The following DNASE1L1 variants were observed in gnomAD, a reference collection of about 807,000 sequenced individuals.
DNASE1L1 encodes deoxyribonuclease-1-like 1.
Under a neutral mutation model 18.6 loss-of-function variants are expected in DNASE1L1, and 8 were observed. The observed-to-expected ratio is 0.43, with a 90% confidence interval of 0.25 to 0.78. The LOEUF (loss-of-function observed/expected upper bound fraction) is 0.78. DNASE1L1 is among the 30% of genes least tolerant of loss of function. The pLI, the probability that DNASE1L1 is intolerant of heterozygous loss-of-function variation, is 0.23. For missense variants in DNASE1L1, 214 were observed against 258.2 expected, an observed-to-expected ratio of 0.83 and a Z score of 1.17; for synonymous variants, 114 against 114.2, an observed-to-expected ratio of 1.00 and a Z score of 0.01.
upstream of DNASE1L1, among the ~76,000 whole-genome samples, chrX:154,410,925 G>C (rs1557190093): frequency 9.0e-6 from 1 of 111,175 alleles, no homozygotes; most frequent in Non-Finnish European, 1.9e-5. Flanking sequence ...AAAACTGGCT[G>C]CTTAATGCAT....
At chrX:154,411,724 C>G, upstream of DNASE1L1, 3 of 696,875 alleles carry the variant, frequency 4.3e-6, no homozygotes, top group South Asian at 2.3e-5. Flanking sequence ...GCCGCGCCCC[C>G]GTCCGTCCGT....
chrX:154,411,318 T>G (rs2068277781), upstream of DNASE1L1, among the ~76,000 whole-genome samples: 1 of 111,471 alleles, frequency 9.0e-6, no homozygotes, highest in Non-Finnish European at 1.9e-5. Flanking sequence ...CAGTGAGCCA[T>G]GATCCCATCA....
At position 154,402,636 on chromosome X, in the gene DNASE1L1, G is replaced by C; in HGVS notation, c.*71C>G. 9.3e-7 allele frequency: 1 copy of C among 1,073,864 alleles called. No homozygotes were observed. 88.5% of individuals were successfully genotyped at this position (1,073,864 alleles called of 1,213,427 possible). On this transcript the variant is annotated 3_prime_UTR_variant, in exon 8 of 8. Transcript: ENST00000369807. Reference sequence around the variant, plus strand: ...TATAGTTGAAGCCCCCCAGCCCCAGGGCTGGATGGACGGGGGAGGCTGGGG... The same window carrying C: ...TATAGTTGAAGCCCCCCAGCCCCAGCGCTGGATGGACGGGGGAGGCTGGGG...
chrX:154,411,697 G>A, upstream of DNASE1L1: 1 of 558,560 alleles, frequency 1.8e-6, no homozygotes, highest in Non-Finnish European at 2.9e-6. Flanking sequence ...AGGGACCTCG[G>A]TCCAGTCCCC....
intron 1 of DNASE1L1, chrX:154,408,885 GGCAGCCCTGGGCTGGCACAT>G (rs2068210100): frequency 5.6e-6 from 1 of 179,451 alleles, no homozygotes; most frequent in African/African-American, 3.0e-5. Flanking sequence ...TGGGTATGTG[GGCAGCCCTGGGCTGGCACAT>G]GCAGCCTTGG....
upstream of DNASE1L1, chrX:154,411,880 C>T (rs1557190850): frequency 4.1e-6 from 5 of 1,204,833 alleles, no homozygotes; most frequent in Non-Finnish European, 5.6e-6. Context: ...CCCCGCGGTG[C>T]CGCCGCTCAC....
At chrX:154,410,880 AT>A (rs1299225550), upstream of DNASE1L1, among the ~76,000 whole-genome samples, 2 of 111,064 alleles carry the variant, frequency 1.8e-5, no homozygotes, top group Non-Finnish European at 3.8e-5. Flanking sequence ...TCCTAAAAAA[AT>A]AATAATAAAT....
intron 1 of DNASE1L1, chrX:154,408,493 G>A (rs1300024808): frequency 1.8e-5 from 2 of 111,623 alleles, no homozygotes; most frequent in Middle Eastern, 4.6e-3. Flanking sequence ...CCACTGGGGA[G>A]CCCTTCTTGT....
In DNASE1L1 at chrX:154,404,766, C is replaced by T. The variant is rs1292005242; in HGVS notation, c.311+62G>A. On this transcript the variant is annotated intron_variant, in intron 4 of 7. Coordinates refer to ENST00000369807, the MANE Select transcript of DNASE1L1 (RefSeq NM_001303620.2). ...CCTGTGGCCCCGGGGACTAATGAGC[C>T]TACCTCACATTAGGGCCAAGGACCG... is the stretch of plus-strand genomic sequence containing the variant. The T allele has an allele frequency of 1.1e-5, 12 of 1,082,722 alleles. No homozygotes were observed. The Middle Eastern group carries it at 1.1e-3, about 103-fold the overall frequency. 89.2% of individuals were successfully genotyped at this position (1,082,722 alleles called of 1,213,427 possible). A position where few individuals can be genotyped will look rare whatever the true frequency, so the allele number is the denominator to read the frequency against.
chrX:154,404,695 G>A, intron 4 of DNASE1L1, 133 bp downstream of exon 4: 1 of 580,408 alleles, frequency 1.7e-6, no homozygotes, highest in East Asian at 3.6e-5. Context: ...AAGGTGTTGA[G>A]AAGAGAAAGC....
At position 154,402,718 on chromosome X, in the gene DNASE1L1, G is replaced by T. The variant is rs369393190; in HGVS notation, c.898C>A (p.Pro300Thr). ...GGGTAGGGGGACGCTCAGGCAGCAGGGCACAGCTGAGGGGACAGGAGTGAT... is the reference window on the plus strand; with the variant it reads ...GGGTAGGGGGACGCTCAGGCAGCAGTGCACAGCTGAGGGGACAGGAGTGAT... ...LLSLLSPQLC[P>T]AA Residue 300 changes from proline to threonine, a missense_variant, in exon 8 of 8, where the codon CCT becomes ACT. Physicochemically the swap from Pro to Thr is conservative, Grantham distance 38 (BLOSUM62 -1). Transcript: ENST00000369807. 1 of 1,209,725 alleles carries T rather than the reference G, an allele frequency of 8.3e-7. No homozygotes were observed. The highest frequency in any genetic ancestry group is 1.8e-5 in the South Asian group (1 of 56,704).
At position 154,401,701 on chromosome X, in the gene DNASE1L1, A is replaced by T. The variant is rs782780102; in HGVS notation, c.*1006T>A. On this transcript the variant is annotated 3_prime_UTR_variant, in exon 8 of 8. Transcript: ENST00000369807. ...CTGGGGTATGTTGGCCCCAGCCCCC[A>T]GCCTGTGGCTCCCAAAAGGCCTCTG... is the stretch of plus-strand genomic sequence containing the variant. 2.2e-4 allele frequency: 25 copies of T among 112,304 alleles called. No individual in the cohort carries two copies. Among genetic ancestry groups the T allele is most frequent in the African/African-American group, 8.1e-4 (25 of 30,913 alleles). 9.3% of individuals were successfully genotyped at this position (112,304 alleles called of 1,213,427 possible).
rs369186385 is a variant in DNASE1L1 at position 154,403,635 on chromosome X, A to G, written c.312-13T>C. 4.4e-5 allele frequency: 53 copies of G among 1,195,377 alleles called. No homozygotes were observed. Among genetic ancestry groups the G allele is most frequent in the Non-Finnish European group, 5.9e-5 (52 of 881,422 alleles). ...TGTTTTGTGTGACCTGGGAGGACAAAGGGATGGGCAGCAGTGGCCCCACGT... is the reference window on the plus strand; with the variant it reads ...TGTTTTGTGTGACCTGGGAGGACAAGGGGATGGGCAGCAGTGGCCCCACGT... On this transcript the variant is annotated splice_polypyrimidine_tract_variant and intron_variant, in intron 4 of 7. Coordinates refer to ENST00000369807, the MANE Select transcript of DNASE1L1 (RefSeq NM_001303620.2).
upstream of DNASE1L1, chrX:154,410,152 T>C (rs1335032697): frequency 9.1e-6 from 1 of 109,938 alleles, no homozygotes; most frequent in Non-Finnish European, 1.9e-5. Context: ...GGCAGGAGAA[T>C]TGCTTGAGCC....
rs1557188189 is a variant in DNASE1L1 at position 154,405,442 on chromosome X, A to G, written c.127T>C (p.Leu43=). The G allele has an allele frequency of 2.5e-6, 3 of 1,190,224 alleles. No individual in the cohort carries two copies. The South Asian group carries it at 5.5e-5, about 22-fold the overall frequency. The change falls in exon 2 of 8, where the codon TTA becomes CTA. Residue 43 remains leucine, a synonymous_variant. Transcript: ENST00000369807. ...TGAAGTGATGAACTTACCCGAACTAAGGTGTCCATCACCTGCTCCCTGGCC... is the reference window on the plus strand; with the variant it reads ...TGAAGTGATGAACTTACCCGAACTAGGGTGTCCATCACCTGCTCCCTGGCC... ...KVAREQVMDT[L]VRILARCDIM...
chrX:154,409,186 C>T lies in DNASE1L1; in HGVS notation c.-162G>A, dbSNP rs1557189195. On this transcript the variant is annotated 5_prime_UTR_variant, in exon 1 of 8. Transcript: ENST00000369807. ...CGATACCCCAGAAGAGCAGCTCCTG[C>T]CTGAATAGGGCTAGGAGGGGAAAAA... The T allele has an allele frequency of 8.9e-6, 3 of 336,500 alleles. No individual in the cohort carries two copies. The highest frequency in any genetic ancestry group is 8.0e-5 in the South Asian group (3 of 37,515). 27.7% of individuals were successfully genotyped at this position (336,500 alleles called of 1,213,427 possible).
At chrX:154,404,523 C>G (rs1439537297) in intron 4 of DNASE1L1, among the ~76,000 whole-genome samples, 2 of 112,137 alleles carry the variant, frequency 1.8e-5, no homozygotes, top group African/African-American at 6.5e-5. Context: ...GGAGCTGCAG[C>G]CCTTGCTGGC....
At chrX:154,409,695 G>T (rs73571505), upstream of DNASE1L1, 12,029 of 113,549 alleles carry the variant, frequency 0.11, 1,563 homozygotes, top group African/African-American at 0.37. Flanking sequence ...CAAAGAGAGG[G>T]ACAGTCCACA....
chrX:154,403,809 T>C (rs2068095311), intron 4 of DNASE1L1, 187 bp from the exon 5 acceptor site: 1 of 434,596 alleles, frequency 2.3e-6, no homozygotes, highest in Non-Finnish European at 4.0e-6. Flanking sequence ...CTGCTTCAAG[T>C]ATACAACACG....
Sources: allele counts gnomAD v4.1 joint callset (sites outside exome capture counted in the v4.1 genomes callset), GRCh38; gene constraint gnomAD v4.1.1; transcripts MANE v1.5; gene names NCBI Gene and HGNC (gene_info 2026-07-23, HGNC 2026-07-21).